Variants in NOD2 observed in about 807,000 individuals in gnomAD.
NOD2 encodes nucleotide binding oligomerization domain containing 2.
A neutral mutation model predicts 90.9 loss-of-function variants in NOD2; 86 were observed. The observed-to-expected ratio is 0.95, with a 90% CI of 0.79 to 1.13. The LOEUF is 1.13. Ranked by LOEUF, NOD2 falls within the 50% of genes most tolerant of loss-of-function variation. The pLI is 0.00. For missense variants in NOD2, 1,238 were observed against 1,283.8 expected (o/e 0.96, Z 0.55); for synonymous variants, 581 against 554.6 (o/e 1.05, Z -0.67).
At chr16:50,706,976 G>A (rs1300937448) in intron 2 of NOD2, among the ~76,000 whole-genome samples, 1 of 152,140 alleles carries the variant, frequency 6.6e-6, no homozygotes, top group African/African-American at 2.4e-5. Context: ...GGGATTACAG[G>A]CATGAGCCAC....
intron 10 of NOD2, chr16:50,728,274 G>A: frequency 3.2e-6 from 1 of 311,282 alleles, no homozygotes; most frequent in Non-Finnish European, 6.3e-6. Context: ...CATCTTCAAG[G>A]CTCTTATCTC....
At chr16:50,701,619 T>C (rs1963942440) in intron 2 of NOD2, among the ~76,000 whole-genome samples, 2 of 152,324 alleles carry the variant, frequency 1.3e-5, no homozygotes, top group South Asian at 2.1e-4. Flanking sequence ...GTTACAAGAT[T>C]GTGTCTTGTC....
intron 2 of NOD2, among the ~76,000 whole-genome samples, chr16:50,701,584 G>A (rs1192970990): frequency 6.6e-6 from 1 of 152,142 alleles, no homozygotes; most frequent in African/African-American, 2.4e-5. Flanking sequence ...ATTTGTTAGG[G>A]GAATTGAATC....
chr16:50,719,675 G>T (rs1027682949), intron 6 of NOD2: 2 of 634,738 alleles, frequency 3.2e-6, no homozygotes, highest in Non-Finnish European at 5.9e-6. Context: ...GCCTACTGTG[G>T]CTCCTGCCTG....
chr16:50,708,356 C>A (rs1027858848), intron 3 of NOD2, among the ~76,000 whole-genome samples: 1 of 152,272 alleles, frequency 6.6e-6, no homozygotes, highest in South Asian at 2.1e-4. Context: ...ACTCAAGAAC[C>A]AAGTGGATCT....
At position 50,711,528 on chromosome 16, in the gene NOD2, T is replaced by G. The variant is rs755968960; in HGVS notation, c.1536T>G (p.Leu512=). ...CTTCCCAAGGTCTGGGACCCAGTCT[T>G]CTTCGGGGCCGCCTCCCCACCCTCC... is the stretch of plus-strand genomic sequence containing the variant. ...DSASQGLGPS[L]LRGRLPTLLH... Residue 512 remains leucine, a synonymous_variant, in exon 4 of 12, where the codon CTT becomes CTG. Coordinates refer to ENST00000647318, the MANE Select transcript of NOD2 (RefSeq NM_001370466.1). The G allele has an allele frequency of 6.2e-7, 1 of 1,613,146 alleles. No homozygotes were observed. The highest frequency in any genetic ancestry group is 8.5e-7 in the Non-Finnish European group (1 of 1,180,004).
chr16:50,726,679 G>A (rs1196266693), intron 10 of NOD2, among the ~76,000 whole-genome samples: 3 of 152,156 alleles, frequency 2.0e-5, no homozygotes, highest in African/African-American at 7.2e-5. Context: ...TGGATGCCAG[G>A]CAATGAGGCT....
intron 9 of NOD2, among the ~76,000 whole-genome samples, chr16:50,725,063 A>G (rs1483980422): frequency 1.3e-5 from 2 of 152,234 alleles, no homozygotes; most frequent in Non-Finnish European, 2.9e-5. Flanking sequence ...TCCTTTAAAA[A>G]GCATTCCTGG....
At chr16:50,726,960 G>A (rs1965286339) in intron 10 of NOD2, among the ~76,000 whole-genome samples, 1 of 151,982 alleles carries the variant, frequency 6.6e-6, no homozygotes, top group South Asian at 2.1e-4. Context: ...GACCAACATG[G>A]AGAAACCCCA....
At chr16:50,710,293 T>C (rs1964400291) in intron 3 of NOD2, among the ~76,000 whole-genome samples, 1 of 152,250 alleles carries the variant, frequency 6.6e-6, no homozygotes, top group Non-Finnish European at 1.5e-5. Context: ...GCACTTGACA[T>C]AGGTCATCTT....
intron 4 of NOD2, chr16:50,712,833 T>C: frequency 4.5e-6 from 1 of 222,208 alleles, no homozygotes; most frequent in Non-Finnish European, 9.1e-6. Flanking sequence ...AAGTTTTGTG[T>C]AGTATGTGTC....
At chr16:50,701,580 T>C (rs1963940665) in intron 2 of NOD2, among the ~76,000 whole-genome samples, 1 of 152,200 alleles carries the variant, frequency 6.6e-6, no homozygotes, top group South Asian at 2.1e-4. Context: ...TATAATTTGT[T>C]AGGGGAATTG....
chr16:50,709,536 C>T (rs1964362548), intron 3 of NOD2, among the ~76,000 whole-genome samples: 1 of 152,142 alleles, frequency 6.6e-6, no homozygotes, highest in Non-Finnish European at 1.5e-5. Flanking sequence ...CAAACACACC[C>T]CGTGCATGAA....
chr16:50,719,989 A>C lies in NOD2; in HGVS notation c.2614A>C (p.Thr872Pro). Residue 872 changes from threonine to proline, a missense_variant, in exon 7 of 12, where the codon ACC (threonine) becomes CCC (proline). Thr to Pro is a conservative substitution (Grantham distance 38). This residue lies in a region of NOD2 where 667 missense variants were observed against 688.7 expected (regional missense o/e 0.97). Transcript: ENST00000647318. ...QVLAEGLRGN[T>P]SLQFLGFWGN... ...GCTGGCCGAGGGGCTCCGAGGCAACACCTCCTTGCAGTTCCTGGGGTAGGT... is the reference window on the plus strand; with the variant it reads ...GCTGGCCGAGGGGCTCCGAGGCAACCCCTCCTTGCAGTTCCTGGGGTAGGT... The C allele has an allele frequency of 6.2e-7, 1 of 1,613,866 alleles. No individual in the cohort carries two copies. Among genetic ancestry groups the C allele is most frequent in the Non-Finnish European group, 8.5e-7 (1 of 1,179,942 alleles).
chr16:50,695,649 C>A (rs1382560647), intron 1 of NOD2, among the ~76,000 whole-genome samples: 1 of 151,938 alleles, frequency 6.6e-6, no homozygotes, highest in African/African-American at 2.4e-5. Context: ...AGTGCTGGGG[C>A]CCCCAGTGTT....
At chr16:50,704,101 G>C (rs987916765) in intron 2 of NOD2, among the ~76,000 whole-genome samples, 5 of 152,220 alleles carry the variant, frequency 3.3e-5, no homozygotes, top group Admixed American at 2.0e-4. Flanking sequence ...GTGAAGACAA[G>C]TCAAATATAG....
chr16:50,725,448 C>G, intron 9 of NOD2, 41 bp from the exon 10 acceptor site: 1 of 1,488,118 alleles, frequency 6.7e-7, no homozygotes, highest in East Asian at 2.3e-5. Flanking sequence ...CTTCCATAAT[C>G]AATGTTGTAT....
intron 4 of NOD2, among the ~76,000 whole-genome samples, chr16:50,714,174 A>T (rs1964672391): frequency 6.6e-6 from 1 of 152,154 alleles, no homozygotes; most frequent in Non-Finnish European, 1.5e-5. Flanking sequence ...GAATTCTTGA[A>T]TGGATCATCC....
intron 2 of NOD2, among the ~76,000 whole-genome samples, chr16:50,706,783 G>A (rs1004565458): frequency 5.6e-5 from 8 of 143,466 alleles, no homozygotes; most frequent in East Asian, 2.1e-4. Context: ...TGCAACCTCC[G>A]CCTCCCAGGT....
Sources: gnomAD v4.1 joint callset for allele counts (sites outside exome capture counted in the v4.1 genomes callset) on GRCh38, gnomAD v4.1.1 for gene constraint, gnomAD v4.1.1 regional missense constraint, MANE v1.5 for transcripts, NCBI Gene and HGNC (gene_info 2026-07-23, HGNC 2026-07-21) for gene names.